ZNF644: variants seen among roughly 807,000 people sequenced by gnomAD.
The protein encoded by ZNF644 is zinc finger motif enhancer binding protein 2.
In ZNF644, 20 loss-of-function variants were observed where a neutral mutation model predicts 108.0. The observed-to-expected ratio is 0.19, with a 90% CI of 0.13 to 0.27. The LOEUF (loss-of-function observed/expected upper bound fraction) is 0.27. Ranked by LOEUF, ZNF644 falls within the 10% of genes least tolerant of loss-of-function variation. The pLI, the probability that ZNF644 is intolerant of heterozygous loss-of-function variation, is 1.00. For missense variants in ZNF644, 1,338 were observed against 1,548.9 expected (o/e 0.86, Z 2.29); for synonymous variants, 542 against 539.1 (o/e 1.01, Z -0.08).
At chr1:90,973,876 G>GC (rs1655745507) in intron 2 of ZNF644, among the ~76,000 whole-genome samples, 1 of 152,044 alleles carries the variant, frequency 6.6e-6, no homozygotes, top group Non-Finnish European at 1.5e-5. Context: ...AGGAAATGCT[G>GC]CCCCCAAAAT....
chr1:90,958,300 A>G (rs936347759), intron 2 of ZNF644, among the ~76,000 whole-genome samples: 3 of 151,718 alleles, frequency 2.0e-5, no homozygotes, highest in African/African-American at 7.3e-5. Context: ...TGCGCTAAAA[A>G]CTACAAAACA....
In ZNF644 at chr1:90,937,761, A is replaced by C. The variant is rs1393431237; in HGVS notation, c.3412T>G (p.Ser1138Ala). 6.2e-6 allele frequency: 10 copies of C among 1,613,802 alleles called. No individual in the cohort carries two copies. The African/African-American group carries it at 1.2e-4, about 19-fold the overall frequency. Residue 1138 changes from serine to alanine, a missense_variant, in exon 4 of 6, where the codon TCA (serine) becomes GCA (alanine). Transcript: ENST00000337393. ...CCTTCTTCTTCTGATGCAGACACTG[A>C]CAGAGCTTCAGTCTTTAGGCCATTA... ...YRNGLKTEAL[S>A]VSASEEEGLN...
At chr1:90,982,742 A>G (rs907437663) in intron 1 of ZNF644, among the ~76,000 whole-genome samples, 1 of 152,152 alleles carries the variant, frequency 6.6e-6, no homozygotes, top group Non-Finnish European at 1.5e-5. Context: ...TATTATGTAC[A>G]TATCAAGACA....
At chr1:90,959,119 C>CA (rs558247931) in intron 2 of ZNF644, among the ~76,000 whole-genome samples, 66 of 151,948 alleles carry the variant, frequency 4.3e-4, no homozygotes, top group Admixed American at 1.1e-3. Flanking sequence ...AGATATTTCT[C>CA]AAAAAAAGAT....
chr1:90,963,222 A>C lies in ZNF644; in HGVS notation c.44+19088T>G, dbSNP rs1296223755. ...TAAGGTGGTGAGGATAGGAGAAGAG[A>C]CGTTGCAAAAATGGATACCCAAACA... On this transcript the variant is annotated intron_variant, in intron 2 of 5. Coordinates refer to ENST00000337393, the MANE Select transcript of ZNF644 (RefSeq NM_201269.3). 2.6e-5 allele frequency among the ~76,000 whole-genome samples: 4 copies of C among 152,246 alleles called. No individual in the cohort carries two copies. In the East Asian group the frequency reaches 7.7e-4, roughly 29 times the overall value.
intron 2 of ZNF644, among the ~76,000 whole-genome samples, chr1:90,979,567 T>C (rs1656350799): frequency 6.6e-6 from 1 of 152,194 alleles, no homozygotes. Context: ...AATAGCAAGC[T>C]TCCTAAGCTG....
intron 2 of ZNF644, chr1:90,972,621 T>C (rs533212944): frequency 1.3e-5 from 2 of 152,164 alleles, no homozygotes; most frequent in Non-Finnish European, 2.9e-5. Context: ...TAGGTATATA[T>C]CCTTGAAAAT....
rs551448999 is a variant in ZNF644, at chr1:90,915,834, T to C, written c.*964A>G. The C allele has an allele frequency of 3.9e-5, 6 of 152,720 alleles. No homozygotes were observed. Among genetic ancestry groups the C allele is most frequent in the Non-Finnish European group, 5.9e-5 (4 of 67,976 alleles). 9.5% of individuals were successfully genotyped at this position (152,720 alleles called of 1,614,324 possible). A position where few individuals can be genotyped will look rare whatever the true frequency, so the allele number is the denominator to read the frequency against. On this transcript the variant is annotated 3_prime_UTR_variant, in exon 6 of 6. Transcript: ENST00000337393. ...CTAACTGATCAAATTTGGAAGATAA[T>C]ATAAATGAGAACGTCTATTCTAAAC...
In ZNF644 at chr1:90,937,681, T is replaced by C; in HGVS notation, c.3492A>G (p.Lys1164=). The C allele has an allele frequency of 6.2e-7, 1 of 1,613,980 alleles. No individual in the cohort carries two copies. The highest frequency in any genetic ancestry group is 8.5e-7 in the Non-Finnish European group (1 of 1,179,906). ...DETKPELPSG[K]KNQSLTLIEL... ...CTATGAGTGTAAGAGACTGATTCTT[T>C]TTCCCACTGGGCAGTTCTGGTTTTG... The change falls in exon 4 of 6, where the codon AAA becomes AAG. Residue 1164 remains lysine, a synonymous_variant. Coordinates refer to ENST00000337393, the MANE Select transcript of ZNF644 (RefSeq NM_201269.3).
intron 2 of ZNF644, among the ~76,000 whole-genome samples, chr1:90,967,516 T>C (rs766632249): frequency 6.6e-6 from 1 of 152,204 alleles, no homozygotes; most frequent in Non-Finnish European, 1.5e-5. Flanking sequence ...CCATGTCTTC[T>C]ATTGCATATG....
intron 2 of ZNF644, among the ~76,000 whole-genome samples, chr1:90,957,680 T>C (rs1176976704): frequency 6.6e-6 from 1 of 152,052 alleles, no homozygotes; most frequent in African/African-American, 2.4e-5. Flanking sequence ...TCATACTCAA[T>C]GGTGAGAGAC....
intron 2 of ZNF644, among the ~76,000 whole-genome samples, chr1:90,962,990 A>G (rs1654486684): frequency 6.6e-6 from 1 of 152,164 alleles, no homozygotes; most frequent in Non-Finnish European, 1.5e-5. Context: ...TCATTAACAG[A>G]TAATATTAAG....
intron 1 of ZNF644, among the ~76,000 whole-genome samples, chr1:91,007,241 T>G (rs892811878): frequency 2.1e-3 from 295 of 138,942 alleles, no homozygotes; most frequent in African/African-American, 7.6e-3. Flanking sequence ...TTTTTTTTTT[T>G]TTTTTTTTTT....
chr1:90,936,201 A>T (rs1651298309), intron 4 of ZNF644, among the ~76,000 whole-genome samples: 1 of 152,222 alleles, frequency 6.6e-6, no homozygotes. Flanking sequence ...AAACATGTTC[A>T]AACAATAAGA....
At chr1:90,922,921 TAA>T (rs1478945569) in intron 4 of ZNF644, among the ~76,000 whole-genome samples, 2 of 152,102 alleles carry the variant, frequency 1.3e-5, no homozygotes, top group Non-Finnish European at 2.9e-5. Context: ...CCCAAGCATA[TAA>T]AAAGACTGCA....
intron 4 of ZNF644, 43 bp from the exon 5 acceptor site, chr1:90,918,197 C>A: frequency 6.8e-7 from 1 of 1,472,764 alleles, no homozygotes; most frequent in South Asian, 1.1e-5. Flanking sequence ...TTATATATTT[C>A]AAAATATACA....
chr1:90,954,702 C>G (rs1474165093), intron 2 of ZNF644, among the ~76,000 whole-genome samples: 1 of 152,198 alleles, frequency 6.6e-6, no homozygotes, highest in Admixed American at 6.5e-5. Context: ...CCATGGCACC[C>G]AGTCTTCAGG....
intron 1 of ZNF644, among the ~76,000 whole-genome samples, chr1:91,002,321 C>CA (rs1658930710): frequency 6.6e-6 from 1 of 152,038 alleles, no homozygotes; most frequent in South Asian, 2.1e-4. Context: ...GTACTGGTAC[C>CA]AAAACAGAGA....
intron 2 of ZNF644, among the ~76,000 whole-genome samples, chr1:90,953,966 A>T (rs985367865): frequency 5.9e-5 from 9 of 152,196 alleles, no homozygotes; most frequent in Admixed American, 4.6e-4. Context: ...TTATTGCTTT[A>T]AAAAAATGCT....
Sources: gnomAD v4.1 joint callset for allele counts (sites outside exome capture counted in the v4.1 genomes callset) on GRCh38, gnomAD v4.1.1 for gene constraint, MANE v1.5 for transcripts, NCBI Gene and HGNC (gene_info 2026-07-23, HGNC 2026-07-21) for gene names.